Variants in SYT17 observed in about 807,000 individuals in gnomAD.
The protein encoded by SYT17 is synaptotagmin-17.
In SYT17, 22 loss-of-function variants were observed where a neutral mutation model predicts 46.7. That is an observed-to-expected ratio of 0.47 (90% confidence interval 0.34 to 0.67). The LOEUF (loss-of-function observed/expected upper bound fraction) is 0.67, where lower values mean the gene tolerates loss of function less well. Among genes scored for constraint, SYT17 ranks in the 30% least tolerant of loss-of-function variants. The probability of loss-of-function intolerance (pLI) is 0.01; values close to 1 mark genes in which losing one functional copy is unlikely to be tolerated. For synonymous variants in SYT17, 251 were observed against 248.4 expected, an observed-to-expected ratio of 1.01 and a Z score of -0.10; for missense variants, 519 against 612.8, an observed-to-expected ratio of 0.85 and a Z score of 1.62.
At chr16:19,226,541 C>T (rs577282473) in intron 7 of SYT17, among the ~76,000 whole-genome samples, 5 of 152,176 alleles carry the variant, frequency 3.3e-5, no homozygotes, top group African/African-American at 4.8e-5. Context: ...ATAGAGTCTG[C>T]GTTGAATCAG....
intron 7 of SYT17, among the ~76,000 whole-genome samples, chr16:19,238,257 G>A: frequency 6.6e-6 from 1 of 152,110 alleles, no homozygotes; most frequent in East Asian, 1.9e-4. Context: ...GTAGATCTCA[G>A]TTCCCAGCTC....
intron 5 of SYT17, chr16:19,211,529 T>G: frequency 1.4e-6 from 1 of 699,896 alleles, no homozygotes; most frequent in East Asian, 2.7e-5. Context: ...TGTTTTCAAC[T>G]GAGTGTTAAT....
intron 2 of SYT17, 52 bp from the exon 3 acceptor site, chr16:19,173,378 G>GGGCC: frequency 1.8e-5 from 4 of 222,872 alleles, no homozygotes; most frequent in East Asian, 6.0e-5. Context: ...TCCCCACCCT[G>GGGCC]CCCACCTCCC....
At chr16:19,203,455 T>TG in intron 5 of SYT17, among the ~76,000 whole-genome samples, 1 of 152,264 alleles carries the variant, frequency 6.6e-6, no homozygotes, top group East Asian at 1.9e-4. Context: ...GAGAACTGAA[T>TG]GACATAATGT....
At chr16:19,243,269 T>C (rs2142975833) in intron 7 of SYT17, among the ~76,000 whole-genome samples, 1 of 152,284 alleles carries the variant, frequency 6.6e-6, no homozygotes, top group East Asian at 1.9e-4. Flanking sequence ...GGCCTGTTGT[T>C]CACTTTCTTG....
chr16:19,206,825 C>T (rs561326992), intron 5 of SYT17, among the ~76,000 whole-genome samples: 2 of 152,284 alleles, frequency 1.3e-5, no homozygotes, highest in African/African-American at 4.8e-5. Context: ...CCTGTACGAC[C>T]TCATCTTGAC....
intron 3 of SYT17, among the ~76,000 whole-genome samples, chr16:19,174,776 T>TGGAAAAGTAGATAGGAATGC (rs368718597): frequency 0.057 from 8,754 of 152,250 alleles, 372 homozygotes; most frequent in Non-Finnish European, 0.09. Flanking sequence ...ATTTGGAATG[T>TGGAAAAGTAGATAGGAATGC]GGAAAAGTAG....
intron 7 of SYT17, among the ~76,000 whole-genome samples, chr16:19,239,703 G>T (rs376847239): frequency 6.6e-6 from 1 of 152,166 alleles, no homozygotes; most frequent in South Asian, 2.1e-4. Flanking sequence ...TGCTTTTCTG[G>T]CCGGAAACCA....
chr16:19,204,435 A>G (rs1965587729), intron 5 of SYT17, among the ~76,000 whole-genome samples: 1 of 151,958 alleles, frequency 6.6e-6, no homozygotes, highest in African/African-American at 2.4e-5. Flanking sequence ...AGGGTGAGGG[A>G]GGTCTCTAGA....
At chr16:19,172,857 C>A (rs1964153881) in intron 2 of SYT17, 80 bp downstream of exon 2, 3 of 1,520,688 alleles carry the variant, frequency 2.0e-6, no homozygotes, top group African/African-American at 2.8e-5. Context: ...TTATGTGGGG[C>A]TGTGGGGATA....
At chr16:19,210,416 A>G (rs1367655359) in intron 5 of SYT17, among the ~76,000 whole-genome samples, 1 of 151,174 alleles carries the variant, frequency 6.6e-6, no homozygotes, top group Non-Finnish European at 1.5e-5. Context: ...TGTACCCTTT[A>G]ACCCACTTCT....
intron 7 of SYT17, among the ~76,000 whole-genome samples, chr16:19,228,940 G>C (rs1323121054): frequency 6.6e-6 from 1 of 152,214 alleles, no homozygotes; most frequent in Non-Finnish European, 1.5e-5. Context: ...TAGCTGGTAA[G>C]CTGGACTTTC....
At chr16:19,192,257 T>C (rs1361314552) in intron 5 of SYT17, among the ~76,000 whole-genome samples, 1 of 151,112 alleles carries the variant, frequency 6.6e-6, no homozygotes, top group African/African-American at 2.4e-5. Flanking sequence ...CCATCTCTAC[T>C]TTTTAGTACA....
chr16:19,208,812 T>C (rs1965770671), intron 5 of SYT17, among the ~76,000 whole-genome samples: 1 of 151,120 alleles, frequency 6.6e-6, no homozygotes, highest in African/African-American at 2.4e-5. Flanking sequence ...CATCAGGACA[T>C]CAGTCATTGG....
chr16:19,260,007 AGT>A (rs1968851124), intron 7 of SYT17, among the ~76,000 whole-genome samples: 3 of 152,020 alleles, frequency 2.0e-5, no homozygotes, highest in Non-Finnish European at 4.4e-5. Flanking sequence ...GGGACTGGGG[AGT>A]GTGTGGGGTG....
Position 19,182,648 on chromosome 16 carries a change from C to T in SYT17, c.332-880C>T, listed in dbSNP as rs146935123. 1.9e-3 allele frequency among the ~76,000 whole-genome samples: 288 copies of T among 152,292 alleles called. 9 individuals are homozygous for T. The East Asian group carries it at 0.049, about 26-fold the overall frequency. On this transcript the variant is annotated intron_variant, in intron 4 of 7. Coordinates refer to ENST00000355377, the MANE Select transcript of SYT17 (RefSeq NM_016524.4). ...CCTCCCATGCCTCTGGCAAATGTCTCATAAAGACAACTGTTTGGGCAATTA... is the reference window on the plus strand; with the variant it reads ...CCTCCCATGCCTCTGGCAAATGTCTTATAAAGACAACTGTTTGGGCAATTA...
In SYT17 at chr16:19,172,606, C is replaced by T. The variant is rs1275491891; in HGVS notation, c.16-154C>T. 6.5e-6 allele frequency: 10 copies of T among 1,531,312 alleles called. No individual in the cohort carries two copies. In the East Asian group the frequency reaches 1.9e-4, roughly 30 times the overall value. The allele number at this position is 1,531,312 out of a possible 1,614,324, so 94.9% of individuals were successfully genotyped here. On this transcript the variant is annotated intron_variant, in intron 1 of 7. Coordinates refer to ENST00000355377, the MANE Select transcript of SYT17 (RefSeq NM_016524.4). Reference sequence around the variant, plus strand: ...AGGATGTTAGGAAGTCAGCTCCCTTCCCAGGATGGTAAGTGGAAATATGCA... The same window carrying T: ...AGGATGTTAGGAAGTCAGCTCCCTTTCCAGGATGGTAAGTGGAAATATGCA...
chr16:19,232,855 CAA>C (rs1567224268), intron 7 of SYT17, among the ~76,000 whole-genome samples: 1 of 151,780 alleles, frequency 6.6e-6, no homozygotes, highest in Admixed American at 6.6e-5. Flanking sequence ...AACAAACAAA[CAA>C]ACAAACAAAC....
intron 7 of SYT17, among the ~76,000 whole-genome samples, chr16:19,254,208 C>T (rs888257724): frequency 2.6e-5 from 4 of 152,324 alleles, no homozygotes; most frequent in African/African-American, 9.6e-5. Flanking sequence ...CTCTGCAACT[C>T]CCTGAGTGAG....
Sources: gnomAD v4.1 joint callset for allele counts (sites outside exome capture counted in the v4.1 genomes callset) on GRCh38, gnomAD v4.1.1 for gene constraint, MANE v1.5 for transcripts, NCBI Gene and HGNC (gene_info 2026-07-23, HGNC 2026-07-21) for gene names.